ABCG1: variants seen among roughly 807,000 people sequenced by gnomAD.
ABCG1 encodes ATP binding cassette subfamily G member 1.
A neutral mutation model predicts 69.2 loss-of-function variants in ABCG1; 29 were observed. That is an observed-to-expected ratio of 0.42 (90% CI 0.31 to 0.57). The LOEUF is 0.57. Ranked by LOEUF, ABCG1 falls within the 20% of genes least tolerant of loss-of-function variation. The pLI is 0.15. For synonymous variants in ABCG1, 370 were observed against 374.8 expected, an observed-to-expected ratio of 0.99 and a Z score of 0.15; for missense variants, 718 against 898.1, an observed-to-expected ratio of 0.80 and a Z score of 2.56.
upstream of ABCG1, among the ~76,000 whole-genome samples, chr21:42,212,384 A>T (rs116959854): frequency 6.6e-6 from 1 of 152,294 alleles, no homozygotes; most frequent in East Asian, 1.9e-4. Context: ...AGAAGAAGAC[A>T]CAGAGCCTCC....
At chr21:42,261,728 G>A (rs542145971) in intron 2 of ABCG1, among the ~76,000 whole-genome samples, 59 of 152,226 alleles carry the variant, frequency 3.9e-4, no homozygotes, top group Admixed American at 2.0e-3. Context: ...AACCTCGGCC[G>A]CGGAGCTCCA....
At chr21:42,237,071 G>T (rs1255157416) in intron 2 of ABCG1, among the ~76,000 whole-genome samples, 1 of 152,166 alleles carries the variant, frequency 6.6e-6, no homozygotes, top group East Asian at 1.9e-4. Flanking sequence ...TGTCATAAAT[G>T]TGCCATGTGC....
intron 3 of ABCG1, among the ~76,000 whole-genome samples, chr21:42,271,433 C>T: frequency 6.6e-6 from 1 of 151,564 alleles, no homozygotes; most frequent in Non-Finnish European, 1.5e-5. Context: ...CTCAGCCTGG[C>T]TAAAGGGACA....
chr21:42,228,936 G>C (rs1010487432), intron 2 of ABCG1, among the ~76,000 whole-genome samples: 2 of 152,226 alleles, frequency 1.3e-5, no homozygotes, highest in African/African-American at 4.8e-5. Context: ...ATTAAATGCG[G>C]ATCTTGTGTT....
intron 2 of ABCG1, among the ~76,000 whole-genome samples, chr21:42,228,104 C>T (rs925282502): frequency 1.5e-4 from 23 of 152,208 alleles, no homozygotes; most frequent in Admixed American, 9.2e-4. Flanking sequence ...TGAATCATCA[C>T]AGTTAGCCAG....
At chr21:42,260,809 G>A (rs1001192800) in intron 2 of ABCG1, among the ~76,000 whole-genome samples, 1 of 151,752 alleles carries the variant, frequency 6.6e-6, no homozygotes, top group Non-Finnish European at 1.5e-5. Context: ...ACAGCTGTGT[G>A]CCTCCCTCTC....
At chr21:42,235,626 A>T (rs958934072) in intron 2 of ABCG1, among the ~76,000 whole-genome samples, 6 of 152,034 alleles carry the variant, frequency 3.9e-5, no homozygotes, top group Admixed American at 1.3e-4. Flanking sequence ...GTAAATTTAA[A>T]TTTTTTTCTA....
intron 13 of ABCG1, among the ~76,000 whole-genome samples, chr21:42,294,336 G>A (rs1444059080): frequency 1.3e-5 from 2 of 152,180 alleles, no homozygotes; most frequent in South Asian, 2.1e-4. Context: ...GGGCTGCCAC[G>A]TCACAGCAGG....
At position 42,287,823 on chromosome 21, in the gene ABCG1, TCG is replaced by T; in HGVS notation, c.974-64_974-63del. 1 of 1,474,908 alleles carries T rather than the reference TCG, an allele frequency of 6.8e-7. No individual in the cohort carries two copies. 91.4% of individuals were successfully genotyped at this position (1,474,908 alleles called of 1,614,324 possible). On this transcript the variant is annotated intron_variant, in intron 8 of 14. Transcript: ENST00000398449. This position sits in a 1 kb window ranked among gnomAD's most constrained non-coding sequence, Gnocchi z 6.2. ...AACATTCCCACTTGAATAACGACTT[TCG>T]CATTTGGGTGGTTGGGGTGTCCTTC...
At chr21:42,293,422 C>T (rs2069128715) in intron 13 of ABCG1, among the ~76,000 whole-genome samples, 1 of 147,912 alleles carries the variant, frequency 6.8e-6, no homozygotes, top group Non-Finnish European at 1.5e-5. Context: ...ACACACATAC[C>T]ACACTACACA....
At chr21:42,258,168 C>A (rs993680482) in intron 2 of ABCG1, among the ~76,000 whole-genome samples, 1 of 137,160 alleles carries the variant, frequency 7.3e-6, no homozygotes, top group Non-Finnish European at 1.6e-5. Flanking sequence ...CTCCACTCAT[C>A]CCTTCATTTA....
intron 1 of ABCG1, among the ~76,000 whole-genome samples, chr21:42,223,177 C>T (rs571197806): frequency 7.2e-5 from 11 of 152,292 alleles, no homozygotes; most frequent in Middle Eastern, 3.4e-3. Context: ...CCAGCCCCTG[C>T]GTTTCTTACA....
intron 2 of ABCG1, chr21:42,259,605 T>G: frequency 6.9e-7 from 1 of 1,445,934 alleles, no homozygotes; most frequent in Non-Finnish European, 9.1e-7. Context: ...GCCATTACCT[T>G]GTTTCCTAAC....
At position 42,288,326 on chromosome 21, in the gene ABCG1, C is replaced by A. The variant is rs560215408; in HGVS notation, c.1224+14C>A. 90 of 1,484,990 alleles carry A rather than the reference C, an allele frequency of 6.1e-5. No homozygotes were observed. In the East Asian group the frequency reaches 1.5e-3, roughly 24 times the overall value. 92.0% of individuals were successfully genotyped at this position (1,484,990 alleles called of 1,614,324 possible). A position where few individuals can be genotyped will look rare whatever the true frequency, so the allele number is the denominator to read the frequency against. On this transcript the variant is annotated intron_variant, in intron 10 of 14. Coordinates refer to ENST00000398449, the MANE Select transcript of ABCG1 (RefSeq NM_016818.3). This position sits in a 1 kb window ranked among gnomAD's most constrained non-coding sequence, Gnocchi z 4.8. ...ATGAGGGACTCGGTAAGGCTGCCCG[C>A]ATCTTCTCCTGTAGCTGGGGAACCC...
chr21:42,236,873 G>A (rs1022554001), intron 2 of ABCG1, among the ~76,000 whole-genome samples: 3 of 152,188 alleles, frequency 2.0e-5, no homozygotes, highest in African/African-American at 7.2e-5. Flanking sequence ...AAAGTCTGGT[G>A]AAAAAGGGAG....
At chr21:42,215,045 G>A (rs539109908), upstream of ABCG1, among the ~76,000 whole-genome samples, 1 of 152,350 alleles carries the variant, frequency 6.6e-6, no homozygotes, top group Admixed American at 6.5e-5. Context: ...TCAGGTCTGT[G>A]TGCACATTGG....
intron 2 of ABCG1, among the ~76,000 whole-genome samples, chr21:42,243,449 T>TGTGTGC (rs2068083430): frequency 1.8e-5 from 1 of 56,000 alleles, no homozygotes; most frequent in African/African-American, 5.3e-5. Context: ...TGTGTGCGCG[T>TGTGTGC]GTGTGTGTGT....
At chr21:42,242,942 C>T (rs1361656773) in intron 2 of ABCG1, among the ~76,000 whole-genome samples, 5 of 152,114 alleles carry the variant, frequency 3.3e-5, no homozygotes, top group South Asian at 2.1e-4. Context: ...AAGTATGGGG[C>T]GATGCTGCTG....
At chr21:42,201,314 T>G (rs2067504248) in intron 1 of ABCG1, among the ~76,000 whole-genome samples, 1 of 152,164 alleles carries the variant, frequency 6.6e-6, no homozygotes, top group African/African-American at 2.4e-5. Flanking sequence ...GCGTGCAACC[T>G]AGATCCCTTG....
Sources: gnomAD v4.1 joint callset for allele counts (sites outside exome capture counted in the v4.1 genomes callset) on GRCh38, gnomAD v4.1.1 for gene constraint, Gnocchi (gnomAD v3.1) non-coding constraint, MANE v1.5 for transcripts, NCBI Gene and HGNC (gene_info 2026-07-23, HGNC 2026-07-21) for gene names.